P4HA1: variants seen among roughly 807,000 people sequenced by gnomAD.
The protein encoded by P4HA1 is prolyl 4-hydroxylase subunit alpha 1.
Under a neutral mutation model 72.8 loss-of-function variants are expected in P4HA1, and 24 were observed. The ratio of observed to expected loss-of-function variants is 0.33; its 90% CI spans 0.24 to 0.46. The LOEUF (loss-of-function observed/expected upper bound fraction) is 0.46, where lower values mean the gene tolerates loss of function less well. Ranked by LOEUF, P4HA1 falls within the 20% of genes least tolerant of loss-of-function variation. The probability of loss-of-function intolerance (pLI) is 1.00; values close to 1 mark genes in which losing one functional copy is unlikely to be tolerated. For synonymous variants in P4HA1, 201 were observed against 218.8 expected, an observed-to-expected ratio of 0.92 and a Z score of 0.72; for missense variants, 446 against 640.6, an observed-to-expected ratio of 0.70 and a Z score of 3.28.
chr10:73,014,382 G>A, intron 11 of P4HA1, 93 bp from the exon 12 acceptor site: 7 of 921,124 alleles, frequency 7.6e-6, no homozygotes, highest in South Asian at 1.4e-5. Flanking sequence ...ATATCCTGAA[G>A]AATATGCCAA....
intron 12 of P4HA1, 29 bp downstream of exon 12, chr10:73,014,195 T>G (rs748902762): frequency 2.5e-5 from 37 of 1,465,978 alleles, no homozygotes; most frequent in Admixed American, 1.8e-4. Flanking sequence ...AAATCCCAAC[T>G]TAATCTAAAA....
chr10:73,028,983 C>A (rs923157855), intron 10 of P4HA1, among the ~76,000 whole-genome samples: 1 of 150,092 alleles, frequency 6.7e-6, no homozygotes, highest in Non-Finnish European at 1.5e-5. Context: ...AAGCAGAGGT[C>A]GCACTGATCC....
At chr10:73,047,782 G>C (rs939814611) in intron 7 of P4HA1, among the ~76,000 whole-genome samples, 5 of 152,066 alleles carry the variant, frequency 3.3e-5, no homozygotes, top group African/African-American at 1.2e-4. Flanking sequence ...TGGCATGGTG[G>C]CTCATGCCTA....
Position 73,072,104 on chromosome 10 carries a change from C to T in P4HA1, c.250G>A (p.Ala84Thr). The part of the protein sequence containing the change: ...PEGFVGHPVN[A>T]FKLMKRLNTE... ...TTCAGACGTTTCATTAATTTGAATG[C>T]ATTTACTGGATGCCCAACAAATCCT... is the stretch of plus-strand genomic sequence containing the variant. The change falls in exon 4 of 15, where the codon GCA (alanine) becomes ACA (threonine). Residue 84 changes from alanine to threonine, a missense_variant. Ala to Thr is a moderately conservative substitution (Grantham distance 58, BLOSUM62 0). Transcript: ENST00000394890. 6.2e-7 allele frequency: 1 copy of T among 1,612,550 alleles called. No homozygotes were observed. Among genetic ancestry groups the T allele is most frequent in the Non-Finnish European group, 8.5e-7 (1 of 1,178,630 alleles).
chr10:73,070,142 C>CTTTTTTTTTTTTTTTTT (rs71021546), intron 4 of P4HA1, among the ~76,000 whole-genome samples: 1 of 64,470 alleles, frequency 1.6e-5, no homozygotes. Context: ...GAGACCAGGC[C>CTTTTTTTTTTTTTTTTT]TTTTTTTTTT....
intron 10 of P4HA1, among the ~76,000 whole-genome samples, chr10:73,027,646 A>G (rs937494231): frequency 2.4e-4 from 10 of 41,318 alleles, no homozygotes; most frequent in East Asian, 9.0e-4. Flanking sequence ...AGGGAGGGGG[A>G]GGGGGGAGGG....
intron 4 of P4HA1, among the ~76,000 whole-genome samples, chr10:73,070,936 C>T (rs541036143): frequency 6.6e-6 from 1 of 152,210 alleles, no homozygotes; most frequent in East Asian, 1.9e-4. Context: ...ATCCCTAGCG[C>T]TGTGGGAGGC....
chr10:73,056,812 G>A (rs1312889782), intron 5 of P4HA1, among the ~76,000 whole-genome samples: 1 of 152,138 alleles, frequency 6.6e-6, no homozygotes, highest in Non-Finnish European at 1.5e-5. Flanking sequence ...TGTAATCCCA[G>A]CAGTTTGGGA....
rs1841654460 is a variant in P4HA1 at position 73,074,702 on chromosome 10, T to C, written c.76+106A>G. 1 of 678,436 alleles carries C rather than the reference T, an allele frequency of 1.5e-6. No homozygotes were observed. Among genetic ancestry groups the C allele is most frequent in the Non-Finnish European group, 2.6e-6 (1 of 377,506 alleles). 42.0% of individuals were successfully genotyped at this position (678,436 alleles called of 1,614,324 possible). ...CCTTTTAGGGGGCAGGGAATAAACC[T>C]ATACTCTAGGAATACACTGTATTTG... On this transcript the variant is annotated intron_variant, in intron 2 of 14. Coordinates refer to ENST00000394890, the MANE Select transcript of P4HA1 (RefSeq NM_001017962.3).
intron 10 of P4HA1, among the ~76,000 whole-genome samples, chr10:73,024,432 C>A (rs182228971): frequency 6.6e-6 from 1 of 152,146 alleles, no homozygotes; most frequent in African/African-American, 2.4e-5. Flanking sequence ...TAAACATGTT[C>A]TTTGAAACCA....
intron 9 of P4HA1, chr10:73,044,010 G>C (rs1269869145): frequency 7.0e-7 from 1 of 1,419,434 alleles, no homozygotes; most frequent in Non-Finnish European, 9.9e-7. Flanking sequence ...GCAATTTTGG[G>C]CTTTTTGTTT....
intron 1 of P4HA1, among the ~76,000 whole-genome samples, chr10:73,090,300 G>A (rs921747571): frequency 1.3e-5 from 2 of 149,014 alleles, no homozygotes; most frequent in African/African-American, 5.0e-5. Context: ...CCCAGCTAAT[G>A]TTATTTTATT....
At chr10:73,020,933 G>C (rs1434305403) in intron 10 of P4HA1, among the ~76,000 whole-genome samples, 1 of 152,108 alleles carries the variant, frequency 6.6e-6, no homozygotes, top group Non-Finnish European at 1.5e-5. Context: ...TCAGGAGTAC[G>C]AGACCAGCCT....
intron 7 of P4HA1, 21 bp downstream of exon 7, chr10:73,051,032 C>T (rs1302548868): frequency 1.3e-6 from 2 of 1,580,090 alleles, no homozygotes; most frequent in East Asian, 4.5e-5. Flanking sequence ...CACATACACA[C>T]AATTGGCTTT....
chr10:73,075,753 GTGTGTGTA>G (rs1369110124), intron 1 of P4HA1, among the ~76,000 whole-genome samples: 2 of 151,540 alleles, frequency 1.3e-5, no homozygotes, highest in Non-Finnish European at 2.9e-5. Context: ...GTGTGTGTGT[GTGTGTGTA>G]TGTGTGTATG....
chr10:73,016,961 C>T, intron 10 of P4HA1, 62 bp from the exon 11 acceptor site: 1 of 1,297,362 alleles, frequency 7.7e-7, no homozygotes, highest in Non-Finnish European at 1.1e-6. Flanking sequence ...CAAAAAAAAT[C>T]TATGAACCTC....
chr10:73,039,611 T>C (rs1404933498), intron 9 of P4HA1, among the ~76,000 whole-genome samples: 2 of 152,000 alleles, frequency 1.3e-5, no homozygotes, highest in South Asian at 4.1e-4. Context: ...CCCGCCTGTT[T>C]TATGTTTTTT....
intron 9 of P4HA1, among the ~76,000 whole-genome samples, chr10:73,043,447 A>G (rs955840557): frequency 5.3e-5 from 8 of 152,248 alleles, no homozygotes; most frequent in Admixed American, 1.3e-4. Context: ...TAACCTAATA[A>G]GATTATCTTT....
intron 9 of P4HA1, among the ~76,000 whole-genome samples, chr10:73,032,193 G>A (rs1167453193): frequency 6.6e-6 from 1 of 151,982 alleles, no homozygotes; most frequent in Non-Finnish European, 1.5e-5. Context: ...GCAAATAAAC[G>A]CCTTTACAAT....
Sources: gnomAD v4.1 joint callset for allele counts (sites outside exome capture counted in the v4.1 genomes callset) on GRCh38, gnomAD v4.1.1 for gene constraint, MANE v1.5 for transcripts, NCBI Gene and HGNC (gene_info 2026-07-23, HGNC 2026-07-21) for gene names.